Variants in RYR2 observed in about 807,000 individuals in gnomAD.
The protein encoded by RYR2 is ryanodine receptor 2.
RYR2 carries 227 observed loss-of-function variants against 601.1 expected under a neutral mutation model. The ratio of observed to expected loss-of-function variants is 0.38; its 90% CI spans 0.34 to 0.42. The LOEUF (loss-of-function observed/expected upper bound fraction) is 0.42. Ranked by LOEUF, RYR2 falls within the 10% of genes least tolerant of loss-of-function variation. The probability of loss-of-function intolerance (pLI) is 1.00; values close to 1 mark genes in which losing one functional copy is unlikely to be tolerated. For missense variants in RYR2, 4,646 were observed against 6,156.5 expected (o/e 0.75, Z 8.21); for synonymous variants, 2,223 against 2,175.1 (o/e 1.02, Z -0.61).
At chr1:237,631,682 G>T (rs1680291391) in intron 42 of RYR2, 141 bp downstream of exon 42, 1 of 426,074 alleles carries the variant, frequency 2.3e-6, no homozygotes, top group Non-Finnish European at 3.8e-6. Context: ...AGGCTGGAGT[G>T]CAGTGCACGA....
At position 237,186,460 on chromosome 1, in the gene RYR2, T is replaced by C. The variant is rs564280320; in HGVS notation, c.49-84037T>C. 3.3e-5 allele frequency among the ~76,000 whole-genome samples: 5 copies of C among 152,340 alleles called. No individual in the cohort carries two copies. The East Asian group carries it at 9.6e-4, about 29-fold the overall frequency. ...TAGTGTCTGTTTAACTGGACTCAAT[T>C]GAACACCTGGAGCTGTGTATTGAAA... On this transcript the variant is annotated intron_variant, in intron 1 of 104. Transcript: ENST00000366574.
chr1:237,108,014 G>C (rs935465660), intron 1 of RYR2, among the ~76,000 whole-genome samples: 2 of 152,204 alleles, frequency 1.3e-5, no homozygotes, highest in Non-Finnish European at 2.9e-5. Flanking sequence ...CATGTCCCCT[G>C]TGGGAGTAAT....
chr1:237,457,780 G>T (rs1659013024), intron 16 of RYR2, among the ~76,000 whole-genome samples: 1 of 152,144 alleles, frequency 6.6e-6, no homozygotes, highest in East Asian at 1.9e-4. Flanking sequence ...TGCAAGATGT[G>T]CAAAAACAGA....
At chr1:237,572,826 G>T (rs1457477049) in intron 29 of RYR2, among the ~76,000 whole-genome samples, 2 of 152,130 alleles carry the variant, frequency 1.3e-5, no homozygotes, top group African/African-American at 4.8e-5. Context: ...ATTTTTGAAT[G>T]CTTTTTGGTA....
intron 2 of RYR2, among the ~76,000 whole-genome samples, chr1:237,308,785 C>T (rs1025174831): frequency 6.6e-6 from 1 of 152,224 alleles, no homozygotes; most frequent in South Asian, 2.1e-4. Context: ...GGAAAGGGAC[C>T]TGAGCAGGTT....
At position 237,499,810 on chromosome 1, in the gene RYR2, A is replaced by C. The variant is rs182890912; in HGVS notation, c.2204-901A>C. Among the ~76,000 whole-genome samples the C allele has an allele frequency of 9.9e-3, 1,501 of 152,326 alleles. 25 individuals carry two copies. Among genetic ancestry groups the C allele is most frequent in the African/African-American group, 0.032 (1,337 of 41,574 alleles). On this transcript the variant is annotated intron_variant, in intron 20 of 104. Coordinates refer to ENST00000366574, the MANE Select transcript of RYR2 (RefSeq NM_001035.3). ...CAAAGTCTATTTTTGTCTTTGCTCA[A>C]GTTGAAGGTTTTGTTTATGTTTATG...
intron 1 of RYR2, among the ~76,000 whole-genome samples, chr1:237,219,468 C>A (rs546968107): frequency 6.6e-6 from 1 of 152,114 alleles, no homozygotes; most frequent in African/African-American, 2.4e-5. Flanking sequence ...TTTTCCAGAA[C>A]CCTCTTGCCC....
chr1:237,120,895 A>C (rs749020986), intron 1 of RYR2: 3 of 152,158 alleles, frequency 2.0e-5, no homozygotes, highest in Non-Finnish European at 2.9e-5. Flanking sequence ...CCCTCATGCC[A>C]TGTGCCTCCC....
chr1:237,300,250 A>G (rs947441568), intron 2 of RYR2, among the ~76,000 whole-genome samples: 1 of 152,060 alleles, frequency 6.6e-6, no homozygotes, highest in African/African-American at 2.4e-5. Context: ...GCTCTTCCTT[A>G]TTGTTTTGGT....
At chr1:237,471,523 C>G (rs1173526380) in intron 17 of RYR2, among the ~76,000 whole-genome samples, 4 of 152,204 alleles carry the variant, frequency 2.6e-5, no homozygotes, top group African/African-American at 9.6e-5. Flanking sequence ...ATGCTCATGT[C>G]TTCTGCTGGA....
chr1:237,808,997 G>A lies in RYR2; in HGVS notation c.14395G>A (p.Gly4799Ser). 2.5e-6 allele frequency: 4 copies of A among 1,613,316 alleles called. No homozygotes were observed. Among genetic ancestry groups the A allele is most frequent in the Non-Finnish European group, 3.4e-6 (4 of 1,179,376 alleles). The change falls in exon 100 of 105, where the codon GGT (glycine) becomes AGT (serine). Residue 4799 changes from glycine to serine, a missense_variant. Gly to Ser is a moderately conservative substitution (Grantham distance 56). Coordinates refer to ENST00000366574, the MANE Select transcript of RYR2 (RefSeq NM_001035.3). ...AAAATTCTACAATAAAAGTGAAGAT[G>A]GTGATACACCAGATATGAAATGTGA... ...FRKFYNKSEDGDTPDMKCDDM... is the reference protein window; with the variant it reads ...FRKFYNKSEDSDTPDMKCDDM...
chr1:237,505,145 C>T (rs935694526), intron 22 of RYR2, among the ~76,000 whole-genome samples: 4 of 152,180 alleles, frequency 2.6e-5, no homozygotes, highest in Non-Finnish European at 5.9e-5. Flanking sequence ...GGGAGCTGCT[C>T]ACCTTCTTTA....
chr1:237,147,714 C>T (rs766058427), intron 1 of RYR2, among the ~76,000 whole-genome samples: 1 of 152,220 alleles, frequency 6.6e-6, no homozygotes, highest in Non-Finnish European at 1.5e-5. Flanking sequence ...TCATGGTATA[C>T]CTGGCACATT....
chr1:237,352,271 A>C (rs1430865620), intron 3 of RYR2, among the ~76,000 whole-genome samples: 1 of 152,046 alleles, frequency 6.6e-6, no homozygotes, highest in Non-Finnish European at 1.5e-5. Flanking sequence ...TCACTATAAA[A>C]ATTCAGTTAT....
intron 1 of RYR2, among the ~76,000 whole-genome samples, chr1:237,224,432 G>C (rs1684142646): frequency 2.6e-5 from 4 of 152,156 alleles, no homozygotes; most frequent in Admixed American, 2.0e-4. Flanking sequence ...TGTGCAGGGG[G>C]TCTATGCCCC....
At chr1:237,094,225 A>G (rs552384747) in intron 1 of RYR2, among the ~76,000 whole-genome samples, 5 of 152,316 alleles carry the variant, frequency 3.3e-5, no homozygotes, top group Admixed American at 2.6e-4. Context: ...GAAGCTCGCT[A>G]TATGTAGGAA....
chr1:237,647,378 C>CG (rs999116415), intron 48 of RYR2, among the ~76,000 whole-genome samples: 1 of 151,998 alleles, frequency 6.6e-6, no homozygotes, highest in African/African-American at 2.4e-5. Context: ...GTGCAGTACC[C>CG]GACAACAGCA....
At chr1:237,155,078 G>T (rs2148830005) in intron 1 of RYR2, among the ~76,000 whole-genome samples, 1 of 152,010 alleles carries the variant, frequency 6.6e-6, no homozygotes, top group Admixed American at 6.5e-5. Context: ...CTCCTTGTTT[G>T]CTCAAATTAA....
In RYR2 at chr1:237,589,788, C is replaced by G; in HGVS notation, c.3599-5C>G. The G allele has an allele frequency of 6.2e-7, 1 of 1,606,744 alleles. No homozygotes were observed. The highest frequency in any genetic ancestry group is 1.7e-5 in the Admixed American group (1 of 58,388). On this transcript the variant is annotated splice_region_variant and splice_polypyrimidine_tract_variant and intron_variant, in intron 29 of 104. Transcript: ENST00000366574. ...ACTAAAACTTGATTTTTTTTTTCTT[C>G]CCAGGATTCATACCTGTGTGTAGCC...
Sources: allele counts gnomAD v4.1 joint callset (sites outside exome capture counted in the v4.1 genomes callset), GRCh38; gene constraint gnomAD v4.1.1; transcripts MANE v1.5; gene names NCBI Gene and HGNC (gene_info 2026-07-23, HGNC 2026-07-21).